Variants in KCNT1 observed in about 807,000 individuals in gnomAD.
KCNT1 encodes potassium channel subfamily T member 1.
KCNT1 carries 78 observed loss-of-function variants against 147.8 expected under a neutral mutation model. That is an observed-to-expected ratio of 0.53 (90% CI 0.44 to 0.64). The LOEUF is 0.64. Among genes scored for constraint, KCNT1 ranks in the 30% least tolerant of loss-of-function variants. KCNT1 has a pLI of 0.00. For missense variants in KCNT1, 1,419 were observed against 1,750.3 expected, an observed-to-expected ratio of 0.81 and a Z score of 3.38; for synonymous variants, 867 against 748.8, an observed-to-expected ratio of 1.16 and a Z score of -2.58.
intron 2 of KCNT1, among the ~76,000 whole-genome samples, chr9:135,747,071 G>C (rs1022886098): frequency 2.0e-5 from 3 of 152,066 alleles, no homozygotes; most frequent in Non-Finnish European, 4.4e-5. Context: ...TCACCCCTGC[G>C]TGGCACTTAA....
chr9:135,787,195 G>A (rs1206970333), intron 29 of KCNT1, among the ~76,000 whole-genome samples: 2 of 152,216 alleles, frequency 1.3e-5, no homozygotes, highest in Non-Finnish European at 2.9e-5. Flanking sequence ...TGCCGCTTCA[G>A]GGAGCCCGGC....
In KCNT1 at chr9:135,771,005, G is replaced by A. The variant is rs765305702; in HGVS notation, c.1918G>A (p.Glu640Lys). ...EENSAFIFKQEEKRKKRAFSG... is the reference protein window; with the variant it reads ...EENSAFIFKQKEKRKKRAFSG... ...GAACTCGGCCTTCATCTTCAAGCAG[G>A]AGGAGAAGCGGAAGAAGAGGGCCTT... Residue 640 changes from glutamate (E) to lysine (K), a missense_variant, in exon 18 of 31, where the codon GAG becomes AAG. Coordinates refer to ENST00000371757, the MANE Select transcript of KCNT1 (RefSeq NM_020822.3). The A allele has an allele frequency of 1.2e-6, 2 of 1,613,866 alleles. No homozygotes were observed. The highest frequency in any genetic ancestry group is 1.1e-5 in the South Asian group (1 of 91,008).
At chr9:135,756,718 G>A (rs1242283382) in intron 6 of KCNT1, among the ~76,000 whole-genome samples, 155 bp from the exon 7 acceptor site, 1 of 152,028 alleles carries the variant, frequency 6.6e-6, no homozygotes, top group Non-Finnish European at 1.5e-5. Context: ...CAAAGGCCTT[G>A]GTGGCTAAGA....
At chr9:135,787,086 G>T (rs1004800375) in intron 29 of KCNT1, among the ~76,000 whole-genome samples, 3 of 152,192 alleles carry the variant, frequency 2.0e-5, no homozygotes, top group Admixed American at 6.5e-5. Context: ...GCCAGGGTAG[G>T]GGGGAGACTT....
At chr9:135,787,108 T>C (rs55991563) in intron 29 of KCNT1, among the ~76,000 whole-genome samples, 46,215 of 152,034 alleles carry the variant, frequency 0.3, 7,821 homozygotes, top group African/African-American at 0.46. Flanking sequence ...GGGGGAACAG[T>C]TGGGGGAAAG....
intron 2 of KCNT1, among the ~76,000 whole-genome samples, chr9:135,748,488 G>C (rs1830966238): frequency 6.6e-6 from 1 of 152,254 alleles, no homozygotes; most frequent in Non-Finnish European, 1.5e-5. Context: ...AGATTCGATT[G>C]ATAGGAGCCA....
In KCNT1 at chr9:135,752,222, C is replaced by G; in HGVS notation, c.434+1181C>G. On this transcript the variant is annotated intron_variant, in intron 4 of 30. Transcript: ENST00000371757. This position sits in a 1 kb window ranked among gnomAD's most constrained non-coding sequence, Gnocchi z 5.1. ...GCAGGTTCTTCCCTGGAGAGAAGGC[C>G]TGACTGCCGGGAGCCTGGCTTCTGG... 2.6e-6 allele frequency: 1 copy of G among 383,304 alleles called. No individual in the cohort carries two copies. Among genetic ancestry groups the G allele is most frequent in the Non-Finnish European group, 5.2e-6 (1 of 193,886 alleles). The allele number at this position is 383,304 out of a possible 1,614,324, so 23.7% of individuals were successfully genotyped here.
At chr9:135,782,144 C>T (rs1221228927) in intron 24 of KCNT1, among the ~76,000 whole-genome samples, 2 of 152,292 alleles carry the variant, frequency 1.3e-5, no homozygotes, top group Non-Finnish European at 2.9e-5. Context: ...GCAGAGGTTG[C>T]AGTGAGCCGA....
chr9:135,706,451 T>TAA (rs1835259175), intron 1 of KCNT1, among the ~76,000 whole-genome samples: 1 of 152,018 alleles, frequency 6.6e-6, no homozygotes, highest in Non-Finnish European at 1.5e-5. Flanking sequence ...AGTGCCGGGG[T>TAA]GTGGTGTGTG....
At chr9:135,780,681 C>T (rs10122250) in intron 24 of KCNT1, among the ~76,000 whole-genome samples, 2,108 of 152,192 alleles carry the variant, frequency 0.014, 35 homozygotes, top group Middle Eastern at 0.051. Flanking sequence ...CGCCCAAGCC[C>T]ACCCTGGAGC....
intron 1 of KCNT1, among the ~76,000 whole-genome samples, chr9:135,711,768 G>A (rs930747779): frequency 2.0e-5 from 3 of 152,352 alleles, no homozygotes; most frequent in East Asian, 3.9e-4. Context: ...GGCCTCAGCT[G>A]AGCGGAGGGG....
chr9:135,768,703 G>A, intron 14 of KCNT1, 30 bp downstream of exon 14: 2 of 1,546,030 alleles, frequency 1.3e-6, no homozygotes, highest in South Asian at 1.2e-5. Flanking sequence ...TGCCCAGGCG[G>A]GAGGGGCACC....
At chr9:135,742,548 G>A (rs1830617671) in intron 2 of KCNT1, among the ~76,000 whole-genome samples, 1 of 152,198 alleles carries the variant, frequency 6.6e-6, no homozygotes, top group African/African-American at 2.4e-5. Flanking sequence ...ACATGGCTCT[G>A]CACATGGACT....
At chr9:135,772,974 C>G (rs1482199047) in intron 19 of KCNT1, 25 bp downstream of exon 19, 1 of 1,418,396 alleles carries the variant, frequency 7.1e-7, no homozygotes, top group Non-Finnish European at 9.2e-7. Context: ...GGAGACGGCT[C>G]CCAGTGGGGG....
chr9:135,719,874 G>A (rs974364228), intron 2 of KCNT1, among the ~76,000 whole-genome samples: 6 of 152,230 alleles, frequency 3.9e-5, no homozygotes, highest in Non-Finnish European at 7.3e-5. Flanking sequence ...CCCGGGGTCA[G>A]AACACTGCCC....
chr9:135,702,437 CA>C, intron 1 of KCNT1, 69 bp downstream of exon 1: 1 of 1,256,300 alleles, frequency 8.0e-7, no homozygotes, highest in South Asian at 1.2e-5. Context: ...AGTTCCCCCT[CA>C]GGCTCCCGCA....
At chr9:135,778,135 C>T (rs1833316385) in intron 21 of KCNT1, among the ~76,000 whole-genome samples, 1 of 152,210 alleles carries the variant, frequency 6.6e-6, no homozygotes, top group South Asian at 2.1e-4. Flanking sequence ...AATGGCTCTT[C>T]CTCCTGGGCA....
rs573404558 is a variant in KCNT1, at chr9:135,720,438, C to T, written c.254+5718C>T. 2.6e-5 allele frequency among the ~76,000 whole-genome samples: 4 copies of T among 152,188 alleles called. No homozygotes were observed. In the East Asian group the frequency reaches 7.7e-4, roughly 29 times the overall value. Reference sequence around the variant, plus strand: ...GGTGACTCGGTGTGCTGAGGGCCTTCTAGAATCATCCCTCCTGCGAAGAGC... The same window carrying T: ...GGTGACTCGGTGTGCTGAGGGCCTTTTAGAATCATCCCTCCTGCGAAGAGC... On this transcript the variant is annotated intron_variant, in intron 2 of 30. Coordinates refer to ENST00000371757, the MANE Select transcript of KCNT1 (RefSeq NM_020822.3).
chr9:135,792,030 C>T lies in KCNT1; in HGVS notation c.3588-11C>T. 6.2e-7 allele frequency: 1 copy of T among 1,603,324 alleles called. No individual in the cohort carries two copies. The highest frequency in any genetic ancestry group is 8.5e-7 in the Non-Finnish European group (1 of 1,178,908). ...CACATCCACTCCAGGGTCCTCTGTG[C>T]CCTCCCGCAGCTATCTCATCCGCTC... On this transcript the variant is annotated splice_polypyrimidine_tract_variant and intron_variant, in intron 30 of 30. Transcript: ENST00000371757.
Sources: allele counts gnomAD v4.1 joint callset (sites outside exome capture counted in the v4.1 genomes callset), GRCh38; gene constraint gnomAD v4.1.1; non-coding constraint Gnocchi (gnomAD v3.1); transcripts MANE v1.5; gene names NCBI Gene and HGNC (gene_info 2026-07-23, HGNC 2026-07-21).